Variants in KCNH1 observed in about 807,000 individuals in gnomAD.
KCNH1 encodes the protein voltage-gated delayed rectifier potassium channel KCNH1.
KCNH1 carries 27 observed loss-of-function variants against 69.2 expected under a neutral mutation model. The observed-to-expected ratio is 0.39, with a 90% confidence interval of 0.29 to 0.54. KCNH1 has a LOEUF of 0.54. Among genes scored for constraint, KCNH1 ranks in the 20% least tolerant of loss-of-function variants. KCNH1 has a pLI of 0.68. For synonymous variants in KCNH1, 456 were observed against 487.7 expected (o/e 0.93, Z 0.86); for missense variants, 798 against 1,261.6 (o/e 0.63, Z 5.57).
At chr1:210,688,534 C>A (rs1681456414) in intron 10 of KCNH1, among the ~76,000 whole-genome samples, 1 of 152,208 alleles carries the variant, frequency 6.6e-6, no homozygotes. Flanking sequence ...AAAGAGATCA[C>A]AGGTAACTTC....
chr1:211,119,799 CT>C (rs1481233347), intron 1 of KCNH1, among the ~76,000 whole-genome samples: 2 of 152,192 alleles, frequency 1.3e-5, no homozygotes, highest in Admixed American at 1.3e-4. Flanking sequence ...TTTGCTCTGT[CT>C]GATCTTAATA....
At chr1:210,928,718 T>C (rs1687626590) in intron 6 of KCNH1, among the ~76,000 whole-genome samples, 1 of 151,036 alleles carries the variant, frequency 6.6e-6, no homozygotes, top group Non-Finnish European at 1.5e-5. Flanking sequence ...CAGAACTAAA[T>C]GAAACAAAAG....
At chr1:210,969,969 C>T (rs1240380533) in intron 6 of KCNH1, among the ~76,000 whole-genome samples, 1 of 151,994 alleles carries the variant, frequency 6.6e-6, no homozygotes, top group Non-Finnish European at 1.5e-5. Context: ...TGATATCTGC[C>T]CATTGCAGCC....
intron 6 of KCNH1, among the ~76,000 whole-genome samples, chr1:210,947,035 G>A (rs1283862240): frequency 1.3e-5 from 2 of 152,170 alleles, no homozygotes; most frequent in South Asian, 2.1e-4. Flanking sequence ...CTATTAGACT[G>A]CTGAGGGCAG....
chr1:210,839,375 CACGCTGGGGAACAACAA>C lies in KCNH1; in HGVS notation c.1463-35226_1463-35210del, dbSNP rs540651968. ...GTGAAATGATGAGAACACATGGACA[CACGCTGGGGAACAACAA>C]ACGCTGGGGAACAACAAATACTGGG... is the stretch of plus-strand genomic sequence containing the variant. On this transcript the variant is annotated intron_variant, in intron 7 of 10. Coordinates refer to ENST00000271751, the MANE Select transcript of KCNH1 (RefSeq NM_172362.3). Among the ~76,000 whole-genome samples, 24 of 152,114 alleles carry C rather than the reference CACGCTGGGGAACAACAA, an allele frequency of 1.6e-4. 1 individual carries two copies. In the East Asian group the frequency reaches 4.3e-3, roughly 27 times the overall value.
At chr1:210,855,864 T>G (rs1398636837) in intron 7 of KCNH1, among the ~76,000 whole-genome samples, 1 of 152,192 alleles carries the variant, frequency 6.6e-6, no homozygotes, top group Non-Finnish European at 1.5e-5. Context: ...GAGCTGTACC[T>G]GGGTGGCTCA....
intron 3 of KCNH1, among the ~76,000 whole-genome samples, chr1:211,098,068 C>A (rs1691189886): frequency 6.6e-6 from 1 of 152,090 alleles, no homozygotes; most frequent in Non-Finnish European, 1.5e-5. Context: ...TGCCTGTAAT[C>A]TCCACCTGGG....
At chr1:211,010,769 G>C (rs1014787904) in intron 6 of KCNH1, among the ~76,000 whole-genome samples, 3 of 152,166 alleles carry the variant, frequency 2.0e-5, no homozygotes, top group African/African-American at 7.2e-5. Flanking sequence ...TCCTTGGGGA[G>C]TTGTATGCCT....
chr1:210,739,847 A>G (rs914920088), intron 10 of KCNH1, among the ~76,000 whole-genome samples: 2 of 152,154 alleles, frequency 1.3e-5, no homozygotes, highest in African/African-American at 4.8e-5. Flanking sequence ...CTTGGGGAGG[A>G]TGGACCTCGC....
intron 7 of KCNH1, among the ~76,000 whole-genome samples, chr1:210,911,522 C>A (rs1156259688): frequency 6.7e-6 from 1 of 148,656 alleles, no homozygotes; most frequent in African/African-American, 2.5e-5. Flanking sequence ...CTAACCTGCA[C>A]AATGTGCACA....
chr1:210,926,260 T>C (rs1203196340), intron 6 of KCNH1, among the ~76,000 whole-genome samples: 5 of 149,110 alleles, frequency 3.4e-5, no homozygotes, highest in African/African-American at 1.2e-4. Flanking sequence ...CAAAACTCCA[T>C]CTAAACACAC....
intron 6 of KCNH1, among the ~76,000 whole-genome samples, chr1:211,014,868 G>A (rs531733314): frequency 2.6e-5 from 4 of 152,288 alleles, no homozygotes; most frequent in Non-Finnish European, 5.9e-5. Flanking sequence ...CTCCACAACA[G>A]ATCACAGGTG....
At chr1:210,693,984 A>C (rs2149006730) in intron 10 of KCNH1, among the ~76,000 whole-genome samples, 1 of 152,240 alleles carries the variant, frequency 6.6e-6, no homozygotes, top group Non-Finnish European at 1.5e-5. Context: ...TTGCCCGCTT[A>C]TGTCTCCACT....
chr1:210,963,263 G>A (rs920464060), intron 6 of KCNH1, among the ~76,000 whole-genome samples: 21 of 152,096 alleles, frequency 1.4e-4, no homozygotes, highest in African/African-American at 2.2e-4. Context: ...GGACGTCCAC[G>A]CAGAAACCCT....
intron 7 of KCNH1, among the ~76,000 whole-genome samples, chr1:210,824,877 T>C (rs1685003727): frequency 6.6e-6 from 1 of 152,214 alleles, no homozygotes; most frequent in South Asian, 2.1e-4. Context: ...CATTGGTCAT[T>C]TGGAAAATAT....
At chr1:210,757,210 G>T (rs116194927) in intron 10 of KCNH1, among the ~76,000 whole-genome samples, 297 of 152,264 alleles carry the variant, frequency 2.0e-3, no homozygotes, top group African/African-American at 6.7e-3. Flanking sequence ...TTCCATTAAA[G>T]CAGCAGGCCA....
At chr1:210,781,441 G>A (rs545624276) in intron 9 of KCNH1, among the ~76,000 whole-genome samples, 2 of 152,194 alleles carry the variant, frequency 1.3e-5, no homozygotes, top group East Asian at 3.9e-4. Context: ...GACAAGAGGG[G>A]TTTCTTCATT....
chr1:210,766,811 C>T (rs759885708), intron 10 of KCNH1, among the ~76,000 whole-genome samples: 32 of 152,312 alleles, frequency 2.1e-4, no homozygotes, highest in Admixed American at 6.5e-4. Flanking sequence ...ATGGTCTGCA[C>T]GGACATTTGG....
chr1:210,936,096 C>A (rs552091390), intron 6 of KCNH1, among the ~76,000 whole-genome samples: 1 of 152,312 alleles, frequency 6.6e-6, no homozygotes, highest in African/African-American at 2.4e-5. Flanking sequence ...ACCACTCAGT[C>A]TTTCAGGTTG....
Sources: gnomAD v4.1 joint callset for allele counts (sites outside exome capture counted in the v4.1 genomes callset) on GRCh38, gnomAD v4.1.1 for gene constraint, MANE v1.5 for transcripts, NCBI Gene and HGNC (gene_info 2026-07-23, HGNC 2026-07-21) for gene names.